The following VTA1 variants were observed in gnomAD, a reference collection of about 807,000 sequenced individuals.
VTA1 encodes vacuolar protein sorting-associated protein VTA1 homolog.
A neutral mutation model predicts 36.9 loss-of-function variants in VTA1; 24 were observed. The ratio of observed to expected loss-of-function variants is 0.65; its 90% CI spans 0.47 to 0.91. The LOEUF is 0.91. VTA1 is among the 40% of genes least tolerant of loss of function. The pLI is 0.00. For synonymous variants in VTA1, 142 were observed against 130.2 expected, an observed-to-expected ratio of 1.09 and a Z score of -0.62; for missense variants, 393 against 377.2, an observed-to-expected ratio of 1.04 and a Z score of -0.35.
intron 2 of VTA1, 86 bp downstream of exon 2, chr6:142,166,408 C>T (rs1282216729): frequency 6.1e-6 from 6 of 979,610 alleles, no homozygotes; most frequent in East Asian, 5.1e-5. Context: ...CATTTTAGTT[C>T]TTTCCCTTGG....
chr6:142,195,037 T>G (rs931968606), intron 5 of VTA1, among the ~76,000 whole-genome samples: 17 of 152,120 alleles, frequency 1.1e-4, no homozygotes, highest in African/African-American at 3.9e-4. Context: ...ATTCTGATAC[T>G]AAGAATTTGT....
Position 142,218,758 on chromosome 6 carries a change from A to T in VTA1, c.*115A>T, listed in dbSNP as rs935407324. 1.1e-5 allele frequency: 13 copies of T among 1,232,914 alleles called. No individual in the cohort carries two copies. Among genetic ancestry groups the T allele is most frequent in the Non-Finnish European group, 1.4e-5 (13 of 917,586 alleles). The allele number at this position is 1,232,914 out of a possible 1,614,324, so 76.4% of individuals were successfully genotyped here. A position where few individuals can be genotyped will look rare whatever the true frequency, so the allele number is the denominator to read the frequency against. On this transcript the variant is annotated 3_prime_UTR_variant, in exon 8 of 8. Coordinates refer to ENST00000367630, the MANE Select transcript of VTA1 (RefSeq NM_016485.5). ...GGAAGACTTGGTTTTGTTGAATATG[A>T]CAATGAAATCTGTGTGTATCAGATT...
chr6:142,165,362 T>G (rs1774892902), intron 1 of VTA1, among the ~76,000 whole-genome samples: 1 of 152,206 alleles, frequency 6.6e-6, no homozygotes, highest in Non-Finnish European at 1.5e-5. Context: ...TCTCACCTCT[T>G]GGTTCCCCTG....
At chr6:142,192,704 G>A (rs920538407) in intron 5 of VTA1, among the ~76,000 whole-genome samples, 1 of 17,752 alleles carries the variant, frequency 5.6e-5, no homozygotes, top group African/African-American at 1.3e-4. Context: ...TTATATATTT[G>A]TGTGTGTGTG....
chr6:142,151,680 A>G (rs970719141), intron 1 of VTA1, among the ~76,000 whole-genome samples: 1 of 152,236 alleles, frequency 6.6e-6, no homozygotes, highest in Non-Finnish European at 1.5e-5. Context: ...TTTAAACTAA[A>G]TGAGCTAAAA....
intron 7 of VTA1, among the ~76,000 whole-genome samples, chr6:142,207,903 G>A (rs1775825455): frequency 6.6e-6 from 1 of 151,916 alleles, no homozygotes; most frequent in Non-Finnish European, 1.5e-5. Context: ...GGCCAGCCTG[G>A]CGAAACCCTG....
intron 7 of VTA1, among the ~76,000 whole-genome samples, chr6:142,207,833 C>T (rs1163308419): frequency 1.3e-5 from 2 of 152,090 alleles, no homozygotes; most frequent in Admixed American, 6.5e-5. Flanking sequence ...CCTGTAATCC[C>T]AGCACTTTAG....
At chr6:142,187,558 A>G (rs990550275) in intron 4 of VTA1, among the ~76,000 whole-genome samples, 7 of 152,182 alleles carry the variant, frequency 4.6e-5, no homozygotes, top group Non-Finnish European at 1.0e-4. Flanking sequence ...CAGAAAAGAA[A>G]TATACCCTCC....
At chr6:142,154,668 G>A (rs1363226568) in intron 1 of VTA1, among the ~76,000 whole-genome samples, 1 of 152,012 alleles carries the variant, frequency 6.6e-6, no homozygotes, top group Non-Finnish European at 1.5e-5. Flanking sequence ...ATTCTTAATA[G>A]GTACAGTGAT....
chr6:142,161,929 T>C (rs1774817331), intron 1 of VTA1, among the ~76,000 whole-genome samples: 1 of 152,184 alleles, frequency 6.6e-6, no homozygotes, highest in Non-Finnish European at 1.5e-5. Context: ...GTAAGATATT[T>C]AGAAATATAA....
At chr6:142,166,473 C>A in intron 2 of VTA1, 151 bp downstream of exon 2, 1 of 560,044 alleles carries the variant, frequency 1.8e-6, no homozygotes. Context: ...AATTTATTTT[C>A]ATTTATTTGC....
At chr6:142,200,172 A>G (rs1775652166) in intron 6 of VTA1, among the ~76,000 whole-genome samples, 1 of 152,122 alleles carries the variant, frequency 6.6e-6, no homozygotes, top group African/African-American at 2.4e-5. Flanking sequence ...TCCTCTTTCT[A>G]ATATGAAATT....
chr6:142,219,876 A>C lies in VTA1; in HGVS notation c.*1233A>C, dbSNP rs760833451. On this transcript the variant is annotated 3_prime_UTR_variant, in exon 8 of 8. Transcript: ENST00000367630. Reference sequence around the variant, plus strand: ...TAAAGTTTCTTTGAAACAAGCCTACACTCATTCATTTATGTTTTGTCTGTG... The same window carrying C: ...TAAAGTTTCTTTGAAACAAGCCTACCCTCATTCATTTATGTTTTGTCTGTG... The C allele has an allele frequency of 6.6e-6, 1 of 152,102 alleles. No homozygotes were observed. The highest frequency in any genetic ancestry group is 1.5e-5 in the Non-Finnish European group (1 of 68,028). 9.4% of individuals were successfully genotyped at this position (152,102 alleles called of 1,614,324 possible).
chr6:142,148,842 A>AC (rs1217070436), intron 1 of VTA1, among the ~76,000 whole-genome samples: 4 of 152,140 alleles, frequency 2.6e-5, no homozygotes, highest in Non-Finnish European at 4.4e-5. Context: ...AGTATTCTCC[A>AC]TAGAGGTTAT....
chr6:142,167,113 T>TA (rs934510269), intron 2 of VTA1, among the ~76,000 whole-genome samples: 2 of 152,202 alleles, frequency 1.3e-5, no homozygotes, highest in Non-Finnish European at 2.9e-5. Context: ...TCTTATGGTT[T>TA]AGGCATCCTT....
At chr6:142,197,136 G>T (rs1047909714) in intron 5 of VTA1, among the ~76,000 whole-genome samples, 1 of 152,112 alleles carries the variant, frequency 6.6e-6, no homozygotes, top group African/African-American at 2.4e-5. Context: ...ATGCTCTAGT[G>T]CCTTTATGTT....
intron 7 of VTA1, among the ~76,000 whole-genome samples, chr6:142,207,528 C>CA (rs1204098289): frequency 6.6e-6 from 1 of 152,098 alleles, no homozygotes; most frequent in Non-Finnish European, 1.5e-5. Flanking sequence ...CCCACACTGC[C>CA]AGTGTAATCC....
chr6:142,200,755 A>G (rs1315732626), intron 6 of VTA1, among the ~76,000 whole-genome samples: 1 of 151,970 alleles, frequency 6.6e-6, no homozygotes, highest in East Asian at 1.9e-4. Context: ...AGTTAACTCT[A>G]GCATGAGCCT....
intron 1 of VTA1, among the ~76,000 whole-genome samples, chr6:142,156,617 A>G (rs1297375776): frequency 6.6e-6 from 1 of 152,180 alleles, no homozygotes; most frequent in Non-Finnish European, 1.5e-5. Context: ...TTCAAGTTTC[A>G]ATTTTTAAAG....
Sources: allele counts gnomAD v4.1 joint callset (sites outside exome capture counted in the v4.1 genomes callset), GRCh38; gene constraint gnomAD v4.1.1; transcripts MANE v1.5; gene names NCBI Gene and HGNC (gene_info 2026-07-23, HGNC 2026-07-21).